The following LOC728743 variants were observed in gnomAD, a reference collection of about 807,000 sequenced individuals.
At chr7:150,409,214 C>T in the LOC728743 span, among the ~76,000 whole-genome samples, 1 of 147,270 alleles carries the variant, frequency 6.8e-6, no homozygotes, top group Non-Finnish European at 1.5e-5. Flanking sequence ...CAAAGGACTT[C>T]GTGGTCAGGG....
chr7:150,408,010 C>G, the LOC728743 span: 2 of 397,770 alleles, frequency 5.0e-6, no homozygotes, highest in African/African-American at 2.1e-5. Flanking sequence ...GCCGCTGCTT[C>G]CGCGAGCCGC....
the LOC728743 span, chr7:150,412,209 T>C: frequency 1.3e-5 from 2 of 152,328 alleles, no homozygotes; most frequent in Middle Eastern, 3.1e-3. Context: ...TGGCCGGTAA[T>C]GGGCAGTGCA....
At chr7:150,406,682 C>G in the LOC728743 span, among the ~76,000 whole-genome samples, 1 of 152,154 alleles carries the variant, frequency 6.6e-6, no homozygotes, top group Non-Finnish European at 1.5e-5. Context: ...TTAAGAGGAA[C>G]ACAGTGTCCT....
At chr7:150,401,814 T>C in the LOC728743 span, among the ~76,000 whole-genome samples, 4 of 152,196 alleles carry the variant, frequency 2.6e-5, no homozygotes, top group Admixed American at 6.5e-5. Flanking sequence ...GCTGAGGAAC[T>C]GAACTTTATT....
chr7:150,402,865 C>T, the LOC728743 span, among the ~76,000 whole-genome samples: 1 of 152,290 alleles, frequency 6.6e-6, no homozygotes, highest in South Asian at 2.1e-4. Context: ...AGGGTGACTA[C>T]AGTGCAGAGT....
the LOC728743 span, chr7:150,410,099 G>T: frequency 2.5e-6 from 1 of 398,648 alleles, no homozygotes; most frequent in Non-Finnish European, 4.4e-6. Context: ...CAGAGGGGTG[G>T]CTGGGCAGGG....
chr7:150,404,714 G>C, the LOC728743 span: 2 of 152,452 alleles, frequency 1.3e-5, no homozygotes, highest in African/African-American at 4.8e-5. Flanking sequence ...TTGACTGCGG[G>C]TTCCGTTCTG....
chr7:150,408,257 C>A, the LOC728743 span: 1 of 383,274 alleles, frequency 2.6e-6, no homozygotes, highest in South Asian at 1.3e-4. Flanking sequence ...GGCTGCTTCC[C>A]GCCCCGCACG....
chr7:150,408,115 C>A, the LOC728743 span: 2 of 382,666 alleles, frequency 5.2e-6, no homozygotes. Flanking sequence ...CCTACTTCTG[C>A]CCCCGCTGCG....
chr7:150,407,417 A>G, the LOC728743 span, among the ~76,000 whole-genome samples: 1 of 152,126 alleles, frequency 6.6e-6, no homozygotes, highest in South Asian at 2.1e-4. Flanking sequence ...GTGGAGGAAG[A>G]GGAACACCAA....
the LOC728743 span, among the ~76,000 whole-genome samples, chr7:150,402,499 C>T: frequency 1.3e-5 from 2 of 152,250 alleles, no homozygotes; most frequent in Non-Finnish European, 2.9e-5. Flanking sequence ...GAGGAGCATA[C>T]CTTCATTCAA....
At chr7:150,406,178 CAG>C in the LOC728743 span, among the ~76,000 whole-genome samples, 2 of 152,160 alleles carry the variant, frequency 1.3e-5, no homozygotes, top group Admixed American at 6.5e-5. Context: ...GTACGGAAGA[CAG>C]AGGAGGTGGC....
At chr7:150,401,873 C>A in the LOC728743 span, among the ~76,000 whole-genome samples, 1 of 152,148 alleles carries the variant, frequency 6.6e-6, no homozygotes, top group East Asian at 1.9e-4. Context: ...GGCATAACAG[C>A]CCCAGGGATG....
chr7:150,402,048 T>C, the LOC728743 span, among the ~76,000 whole-genome samples: 2 of 152,256 alleles, frequency 1.3e-5, no homozygotes, highest in Non-Finnish European at 2.9e-5. Flanking sequence ...ATGTAAAGCA[T>C]GCAGTATAGT....
chr7:150,409,551 C>T, the LOC728743 span, among the ~76,000 whole-genome samples: 2 of 152,186 alleles, frequency 1.3e-5, no homozygotes, highest in Non-Finnish European at 2.9e-5. Context: ...CTTAGGGGTA[C>T]AACAGGTGGA....
chr7:150,405,257 G>A, the LOC728743 span: 1 of 152,238 alleles, frequency 6.6e-6, no homozygotes, highest in Non-Finnish European at 1.5e-5. Context: ...CTGTGCGGCT[G>A]CGACGACGCC....
the LOC728743 span, chr7:150,408,409 G>T: frequency 2.8e-6 from 1 of 358,046 alleles, no homozygotes; most frequent in Non-Finnish European, 5.0e-6. Flanking sequence ...TCCTCCCTCG[G>T]GACCCTCTGG....
the LOC728743 span, among the ~76,000 whole-genome samples, chr7:150,401,509 CT>C: frequency 5.3e-5 from 8 of 152,328 alleles, no homozygotes; most frequent in East Asian, 1.4e-3. Flanking sequence ...TATCTTTGAC[CT>C]TTAGGCAGCA....
the LOC728743 span, among the ~76,000 whole-genome samples, chr7:150,402,478 T>TA: frequency 6.6e-6 from 1 of 152,368 alleles, no homozygotes; most frequent in South Asian, 2.1e-4. Flanking sequence ...AGCTATTAGA[T>TA]GTAGCTTGCA....
Sources: gnomAD v4.1 joint callset for allele counts (sites outside exome capture counted in the v4.1 genomes callset) on GRCh38, gnomAD v4.1.1 for gene constraint, MANE v1.5 for transcripts.